Variants in FANCM observed in about 807,000 individuals in gnomAD.
FANCM encodes FA complementation group M.
FANCM carries 140 observed loss-of-function variants against 199.5 expected under a neutral mutation model. That is an observed-to-expected ratio of 0.70 (90% CI 0.61 to 0.81). The LOEUF is 0.81. Ranked by LOEUF, FANCM falls within the 30% of genes least tolerant of loss-of-function variation. FANCM has a pLI of 0.00. For synonymous variants in FANCM, 840 were observed against 836.8 expected, an observed-to-expected ratio of 1.00 and a Z score of -0.07; for missense variants, 2,410 against 2,421.4, an observed-to-expected ratio of 1.00 and a Z score of 0.10.
At chr14:45,196,032 C>T (rs1890035794) in intron 20 of FANCM, 140 bp from the exon 21 acceptor site, 2 of 856,942 alleles carry the variant, frequency 2.3e-6, no homozygotes, top group Admixed American at 1.8e-5. Flanking sequence ...TTATGTGTTC[C>T]TTCATTTATT....
At chr14:45,191,894 C>T (rs1889790050) in intron 20 of FANCM, among the ~76,000 whole-genome samples, 1 of 152,030 alleles carries the variant, frequency 6.6e-6, no homozygotes, top group Admixed American at 6.5e-5. Context: ...AATATAACTT[C>T]TTTATGCAGC....
rs745891226 is a variant in FANCM at position 45,159,086 on chromosome 14, A to G, written c.1397-10A>G. ...AAAGTTGTAATTAAAGTTTTTATAT[A>G]TATATATAGCTGAAAACACTACTGA... On this transcript the variant is annotated splice_polypyrimidine_tract_variant and intron_variant, in intron 8 of 22. Coordinates refer to ENST00000267430, the MANE Select transcript of FANCM (RefSeq NM_020937.4). The G allele has an allele frequency of 6.6e-7, 1 of 1,512,480 alleles. No homozygotes were observed. The highest frequency in any genetic ancestry group is 1.2e-5 in the South Asian group (1 of 82,636). 93.7% of individuals were successfully genotyped at this position (1,512,480 alleles called of 1,614,324 possible). A position where few individuals can be genotyped will look rare whatever the true frequency, so the allele number is the denominator to read the frequency against.
In FANCM at chr14:45,188,982, G is replaced by A. The variant is rs749310276; in HGVS notation, c.4960G>A (p.Glu1654Lys). Reference protein sequence around the residue: ...RRAVMLKEMMEQNCAHSKKKL... With the variant: ...RRAVMLKEMMKQNCAHSKKKL... The stretch of plus-strand genomic sequence containing the variant: ...TGCAGTAATGCTAAAAGAAATGATG[G>A]AACAAAATTGTGCACATTCAAAAAA... Residue 1654 changes from glutamate to lysine, a missense_variant, in exon 20 of 23, where the codon GAA becomes AAA. Coordinates refer to ENST00000267430, the MANE Select transcript of FANCM (RefSeq NM_020937.4). The A allele has an allele frequency of 9.3e-6, 15 of 1,613,784 alleles. No homozygotes were observed. In the South Asian group the frequency reaches 1.1e-4, roughly 12 times the overall value.
At position 45,151,384 on chromosome 14, in the gene FANCM, T is replaced by A; in HGVS notation, c.919-13T>A. The A allele has an allele frequency of 6.2e-7, 1 of 1,613,184 alleles. No homozygotes were observed. Among genetic ancestry groups the A allele is most frequent in the Non-Finnish European group, 8.5e-7 (1 of 1,179,396 alleles). On this transcript the variant is annotated splice_polypyrimidine_tract_variant and intron_variant, in intron 4 of 22. Coordinates refer to ENST00000267430, the MANE Select transcript of FANCM (RefSeq NM_020937.4). ...TAGAGCAAGCTTAAACTAGATTGCT[T>A]TTAAATTTGCAGATTTTGGAATCAT...
At chr14:45,139,568 C>G (rs901588337) in intron 2 of FANCM, among the ~76,000 whole-genome samples, 1 of 152,118 alleles carries the variant, frequency 6.6e-6, no homozygotes, top group African/African-American at 2.4e-5. Flanking sequence ...CGAGTTCAAA[C>G]CAGAAAGTGC....
chr14:45,176,253 A>G lies in FANCM; in HGVS notation c.3499A>G (p.Ile1167Val), dbSNP rs573485502. The G allele has an allele frequency of 1.2e-5, 19 of 1,614,044 alleles. No individual in the cohort carries two copies. The African/African-American group carries it at 2.3e-4, about 19-fold the overall frequency. The change falls in exon 14 of 23, where the codon ATT (isoleucine) becomes GTT (valine). Residue 1167 changes from isoleucine (I) to valine (V), a missense_variant. Physicochemically the swap from Ile to Val is conservative, Grantham distance 29 (BLOSUM62 3). Coordinates refer to ENST00000267430, the MANE Select transcript of FANCM (RefSeq NM_020937.4). ...ESLPVSDKTA[I>V]SETPLVSQFL... ...TTTACCTGTGTCAGACAAAACTGCT[A>G]TTAGTGAAACGCCTCTGGTCTCTCA...
chr14:45,146,806 C>G (rs867668978), intron 3 of FANCM, among the ~76,000 whole-genome samples: 15 of 136,700 alleles, frequency 1.1e-4, no homozygotes, highest in African/African-American at 4.2e-4. Context: ...GCATTCCAGC[C>G]TGGGCGACAG....
In FANCM at chr14:45,200,721, A is replaced by C. The variant is rs1484987281; in HGVS notation, c.*713A>C. The C allele has an allele frequency of 1.3e-5, 2 of 152,148 alleles. No homozygotes were observed. Among genetic ancestry groups the C allele is most frequent in the South Asian group, 2.1e-4 (1 of 4,828 alleles). 9.4% of individuals were successfully genotyped at this position (152,148 alleles called of 1,614,324 possible). On this transcript the variant is annotated 3_prime_UTR_variant, in exon 23 of 23. Coordinates refer to ENST00000267430, the MANE Select transcript of FANCM (RefSeq NM_020937.4). ...ATGCTGTTCTAGTGATAGTTCTCAG[A>C]GGATCTGATGGTTTTATAAGCTTTT...
chr14:45,154,829 T>A lies in FANCM; in HGVS notation c.1309+7T>A, dbSNP rs1050551771. The A allele has an allele frequency of 1.2e-6, 2 of 1,607,296 alleles. No homozygotes were observed. The highest frequency in any genetic ancestry group is 1.7e-5 in the Admixed American group (1 of 59,660). On this transcript the variant is annotated splice_region_variant and intron_variant, in intron 7 of 22. Coordinates refer to ENST00000267430, the MANE Select transcript of FANCM (RefSeq NM_020937.4). ...ATTTCTGCTATCCAACAAGGTCTGG[T>A]TTTTCTTTTAAAATTATGTATTGTG...
chr14:45,197,850 G>A (rs933301385), intron 21 of FANCM, among the ~76,000 whole-genome samples: 2 of 150,106 alleles, frequency 1.3e-5, no homozygotes, highest in African/African-American at 2.5e-5. Flanking sequence ...TGCAACCTCC[G>A]CCTCCTGTGT....
At chr14:45,137,950 C>T (rs953413504) in intron 2 of FANCM, 2 of 150,734 alleles carry the variant, frequency 1.3e-5, no homozygotes, top group East Asian at 3.9e-4. Context: ...AGGCTAAAGA[C>T]AGAGTATCTA....
chr14:45,159,378 T>C, intron 9 of FANCM, 98 bp downstream of exon 9: 1 of 795,116 alleles, frequency 1.3e-6, no homozygotes, highest in Non-Finnish European at 2.1e-6. Flanking sequence ...AATTAGCTAC[T>C]TAAAAAGAAT....
chr14:45,185,475 T>A, intron 18 of FANCM, 102 bp downstream of exon 18: 1 of 658,890 alleles, frequency 1.5e-6, no homozygotes, highest in Non-Finnish European at 2.5e-6. Flanking sequence ...TAAAGGTAAT[T>A]AAATGTGGTA....
In FANCM at chr14:45,175,436, A is replaced by C. The variant is rs757013722; in HGVS notation, c.2682A>C (p.Leu894=). The stretch of plus-strand genomic sequence containing the variant: ...TTGAAAATATTTTTCAAGAAGACCT[A>C]CCAAATGATAAAAGGACATCAGATA... ...STVENIFQED[L]PNDKRTSDTD... is the part of the protein sequence containing the mutation. The change falls in exon 14 of 23, where the codon CTA becomes CTC. Residue 894 remains leucine, a synonymous_variant. Transcript: ENST00000267430. 14 of 1,594,200 alleles carry C rather than the reference A, an allele frequency of 8.8e-6. No individual in the cohort carries two copies. In the African/African-American group the frequency reaches 1.9e-4, roughly 22 times the overall value.
rs760075874 is a variant in FANCM, at chr14:45,136,591, T to C, written c.508+52T>C. On this transcript the variant is annotated intron_variant, in intron 1 of 22. Coordinates refer to ENST00000267430, the MANE Select transcript of FANCM (RefSeq NM_020937.4). ...GTAAGAGCTGGGAATTCCTGACCCA[T>C]GTGGAATAGTTCCCAAGCTACAACA... The C allele has an allele frequency of 3.9e-6, 6 of 1,553,414 alleles. No individual in the cohort carries two copies. The Admixed American group carries it at 1.0e-4, about 26-fold the overall frequency.
At chr14:45,198,376 C>G (rs1890183175) in intron 21 of FANCM, 1 of 284,468 alleles carries the variant, frequency 3.5e-6, no homozygotes, top group African/African-American at 2.2e-5. Context: ...GTAATACAGT[C>G]TTGGCCTTCA....
rs1176625946 is a variant in FANCM at position 45,175,846 on chromosome 14, G to T, written c.3092G>T (p.Ser1031Ile). Residue 1031 changes from serine to isoleucine, a missense_variant, in exon 14 of 23, where the codon AGT (serine) becomes ATT (isoleucine). Coordinates refer to ENST00000267430, the MANE Select transcript of FANCM (RefSeq NM_020937.4). The stretch of plus-strand genomic sequence containing the variant: ...TTACCCTGTGCAGAGCATTTACGAA[G>T]TGATAAATGCACCTGTTTGCTGTCA... ...LFLPCAEHLR[S>I]DKCTCLLSHS... is the part of the protein sequence containing the mutation. 1 of 1,613,950 alleles carries T rather than the reference G, an allele frequency of 6.2e-7. No individual in the cohort carries two copies. Among genetic ancestry groups the T allele is most frequent in the Admixed American group, 1.7e-5 (1 of 59,998 alleles).
intron 19 of FANCM, among the ~76,000 whole-genome samples, 186 bp downstream of exon 19, chr14:45,188,073 T>A (rs1159091796): frequency 6.6e-6 from 1 of 152,242 alleles, no homozygotes; most frequent in Non-Finnish European, 1.5e-5. Context: ...GTGCGGTGGC[T>A]CACGCCTGTA....
chr14:45,142,068 G>C (rs1886008541), intron 3 of FANCM, among the ~76,000 whole-genome samples: 1 of 152,058 alleles, frequency 6.6e-6, no homozygotes, highest in African/African-American at 2.4e-5. Context: ...TGCAAAAATA[G>C]AAGTCTTCGT....
Sources: gnomAD v4.1 joint callset for allele counts (sites outside exome capture counted in the v4.1 genomes callset) on GRCh38, gnomAD v4.1.1 for gene constraint, MANE v1.5 for transcripts, NCBI Gene and HGNC (gene_info 2026-07-23, HGNC 2026-07-21) for gene names.